The following FAT3 variants were observed in gnomAD, a reference collection of about 807,000 sequenced individuals.
FAT3 encodes the protein FAT atypical cadherin 3, also known as protocadherin Fat 3.
Under a neutral mutation model 310.2 loss-of-function variants are expected in FAT3, and 95 were observed. The ratio of observed to expected loss-of-function variants is 0.31; its 90% CI spans 0.26 to 0.36. The LOEUF (loss-of-function observed/expected upper bound fraction) is 0.36, where lower values mean the gene tolerates loss of function less well. FAT3 is among the 10% of genes least tolerant of loss of function. The pLI is 1.00. For missense variants in FAT3, 5,408 were observed against 5,715.6 expected (o/e 0.95, Z 1.74); for synonymous variants, 2,314 against 2,192.9 (o/e 1.06, Z -1.54).
At chr11:92,793,318 G>A (rs550810257) in intron 9 of FAT3, among the ~76,000 whole-genome samples, 4 of 152,208 alleles carry the variant, frequency 2.6e-5, no homozygotes, top group South Asian at 2.1e-4. Context: ...AAAGCCGCCC[G>A]CCGATCATCT....
At chr11:92,734,208 AG>A (rs1945273098) in intron 4 of FAT3, among the ~76,000 whole-genome samples, 1 of 152,196 alleles carries the variant, frequency 6.6e-6, no homozygotes, top group African/African-American at 2.4e-5. Flanking sequence ...TTCTGGAAAA[AG>A]GATTGTCTCT....
intron 3 of FAT3, among the ~76,000 whole-genome samples, chr11:92,630,467 T>C (rs1435793211): frequency 6.6e-6 from 1 of 152,182 alleles, no homozygotes; most frequent in Non-Finnish European, 1.5e-5. Flanking sequence ...TTCATAGATA[T>C]CTCTGTGTGC....
At chr11:92,516,036 C>A (rs1953471479) in intron 2 of FAT3, among the ~76,000 whole-genome samples, 1 of 152,104 alleles carries the variant, frequency 6.6e-6, no homozygotes, top group Non-Finnish European at 1.5e-5. Context: ...CAGACAGATT[C>A]ACAGTCAAAT....
At chr11:92,379,446 A>T (rs1338238586) in intron 2 of FAT3, among the ~76,000 whole-genome samples, 1 of 152,182 alleles carries the variant, frequency 6.6e-6, no homozygotes, top group Non-Finnish European at 1.5e-5. Flanking sequence ...CCCCATGATG[A>T]TGAGCAGGAA....
At chr11:92,747,329 C>T (rs912535864) in intron 4 of FAT3, among the ~76,000 whole-genome samples, 5 of 152,248 alleles carry the variant, frequency 3.3e-5, no homozygotes, top group African/African-American at 4.8e-5. Flanking sequence ...AAGCAATGGC[C>T]TGAGCTGTAT....
chr11:92,226,189 C>A (rs1197357162), intron 1 of FAT3, among the ~76,000 whole-genome samples: 1 of 152,026 alleles, frequency 6.6e-6, no homozygotes, highest in Non-Finnish European at 1.5e-5. Flanking sequence ...GCGAGGATTC[C>A]GCCAGTGGGA....
chr11:92,234,700 A>C (rs1864339414), intron 1 of FAT3, among the ~76,000 whole-genome samples: 1 of 152,092 alleles, frequency 6.6e-6, no homozygotes, highest in Non-Finnish European at 1.5e-5. Flanking sequence ...TCAGGAGTTC[A>C]AGATCAGCCT....
chr11:92,786,318 A>G (rs1014327475), intron 7 of FAT3, among the ~76,000 whole-genome samples: 4 of 140,388 alleles, frequency 2.8e-5, no homozygotes, highest in Non-Finnish European at 6.0e-5. Context: ...TTGCATGGCA[A>G]AAAAAAACAC....
chr11:92,848,000 T>C (rs548134886), intron 19 of FAT3, among the ~76,000 whole-genome samples: 1 of 152,216 alleles, frequency 6.6e-6, no homozygotes, highest in South Asian at 2.1e-4. Flanking sequence ...CTCTTCTGTT[T>C]ACTCTAGGAG....
chr11:92,294,698 A>G (rs1473389901), intron 1 of FAT3, among the ~76,000 whole-genome samples: 1 of 151,232 alleles, frequency 6.6e-6, no homozygotes, highest in Non-Finnish European at 1.5e-5. Context: ...GTTCTATTGA[A>G]TATCATCATG....
Position 92,835,094 on chromosome 11 carries a change from T to G in FAT3, c.10086+10T>G. On this transcript the variant is annotated intron_variant, in intron 15 of 27. Coordinates refer to ENST00000525166, the MANE Select transcript of FAT3 (RefSeq NM_001367949.2). ...AGACTCTGTCATTTTGGTAGGTACC[T>G]GGGGTTGGGGATGGTTCTAGATGTT... The G allele has an allele frequency of 6.2e-7, 1 of 1,608,642 alleles. No individual in the cohort carries two copies. The highest frequency in any genetic ancestry group is 8.5e-7 in the Non-Finnish European group (1 of 1,177,366).
intron 3 of FAT3, among the ~76,000 whole-genome samples, chr11:92,693,385 AT>A: frequency 6.6e-6 from 1 of 152,302 alleles, no homozygotes; most frequent in Admixed American, 6.5e-5. Context: ...CCTCTCTCGT[AT>A]AGATTACAGA....
intron 1 of FAT3, among the ~76,000 whole-genome samples, chr11:92,298,623 A>G (rs1946910435): frequency 6.6e-6 from 1 of 152,114 alleles, no homozygotes; most frequent in Non-Finnish European, 1.5e-5. Context: ...AGCATCTCTG[A>G]GTGGAAAGTC....
intron 4 of FAT3, among the ~76,000 whole-genome samples, chr11:92,725,749 T>C (rs1944980244): frequency 6.6e-6 from 1 of 152,128 alleles, no homozygotes; most frequent in African/African-American, 2.4e-5. Flanking sequence ...AAAGAGTGTT[T>C]CTATTTTCCT....
At position 92,409,264 on chromosome 11, in the gene FAT3, G is replaced by A. The variant is rs1179244232; in HGVS notation, c.3292+53860G>A. On this transcript the variant is annotated intron_variant, in intron 2 of 27. Coordinates refer to ENST00000525166, the MANE Select transcript of FAT3 (RefSeq NM_001367949.2). ...GCTTTCGTGTGTGTGTGTGTGTCGT[G>A]TGTGTGTGTGTGTATGTGTGTATAT... is the stretch of plus-strand genomic sequence containing the variant. 4.6e-5 allele frequency among the ~76,000 whole-genome samples: 5 copies of A among 107,918 alleles called. No individual in the cohort carries two copies. The East Asian group carries it at 1.2e-3, about 25-fold the overall frequency. 70.8% of individuals were successfully genotyped at this position (107,918 alleles called of 152,430 possible). A position where few individuals can be genotyped will look rare whatever the true frequency, so the allele number is the denominator to read the frequency against.
intron 3 of FAT3, among the ~76,000 whole-genome samples, chr11:92,551,101 C>T (rs1464439025): frequency 6.6e-6 from 1 of 152,018 alleles, no homozygotes; most frequent in Non-Finnish European, 1.5e-5. Context: ...CTTCACAGCC[C>T]TGATCTGATC....
chr11:92,558,374 T>C (rs895774014), intron 3 of FAT3, among the ~76,000 whole-genome samples: 6 of 151,082 alleles, frequency 4.0e-5, no homozygotes, highest in African/African-American at 1.5e-4. Context: ...TGGTATGTGA[T>C]AGATTCATAT....
chr11:92,653,222 G>A (rs556755555), intron 3 of FAT3, among the ~76,000 whole-genome samples: 40 of 109,250 alleles, frequency 3.7e-4, no homozygotes, highest in African/African-American at 5.5e-4. Flanking sequence ...GTGTGTGCTC[G>A]CATGCGTGTG....
intron 19 of FAT3, among the ~76,000 whole-genome samples, chr11:92,845,733 TGGCCAGAGG>T (rs1948668235): frequency 6.6e-6 from 1 of 152,182 alleles, no homozygotes; most frequent in Non-Finnish European, 1.5e-5. Flanking sequence ...AAAGGGACCA[TGGCCAGAGG>T]GAGGCCATTT....
Sources: allele counts gnomAD v4.1 joint callset (sites outside exome capture counted in the v4.1 genomes callset), GRCh38; gene constraint gnomAD v4.1.1; transcripts MANE v1.5; gene names NCBI Gene and HGNC (gene_info 2026-07-23, HGNC 2026-07-21).